M1AP: variants seen among roughly 807,000 people sequenced by gnomAD.
M1AP encodes the protein meiosis 1 arrest protein.
A neutral mutation model predicts 51.2 loss-of-function variants in M1AP; 39 were observed. That is an observed-to-expected ratio of 0.76 (90% confidence interval 0.59 to 1.00). The LOEUF (loss-of-function observed/expected upper bound fraction) is 1.00, where lower values mean the gene tolerates loss of function less well. Among genes scored for constraint, M1AP ranks in the 50% least tolerant of loss-of-function variants. The pLI, the probability that M1AP is intolerant of heterozygous loss-of-function variation, is 0.00. For missense variants in M1AP, 545 were observed against 641.2 expected (o/e 0.85, Z 1.62); for synonymous variants, 251 against 249.2 (o/e 1.01, Z -0.07).
Position 74,615,115 on chromosome 2 carries a change from C to G in M1AP, c.275G>C (p.Cys92Ser). The change falls in exon 3 of 11, where the codon TGC becomes TCC. Residue 92 changes from cysteine (C) to serine (S), a missense_variant. Transcript: ENST00000421985. ...CTGTAACATGCGGAGTTCTGAGATG[C>G]AGGTCTGCAACCTAGCAAAGTTCCC... ...VKGNFARLQTCISELRMLQRE... is the reference protein window; with the variant it reads ...VKGNFARLQTSISELRMLQRE... 3 of 1,614,184 alleles carry G rather than the reference C, an allele frequency of 1.9e-6. No individual in the cohort carries two copies. The highest frequency in any genetic ancestry group is 2.5e-6 in the Non-Finnish European group (3 of 1,180,006).
At chr2:74,583,582 G>C (rs1679539217) in intron 4 of M1AP, among the ~76,000 whole-genome samples, 2 of 152,074 alleles carry the variant, frequency 1.3e-5, no homozygotes, top group Admixed American at 6.6e-5. Context: ...AGCTGAGGGG[G>C]AACTCTACTT....
At chr2:74,600,106 T>C (rs1680593924) in intron 4 of M1AP, among the ~76,000 whole-genome samples, 1 of 152,146 alleles carries the variant, frequency 6.6e-6, no homozygotes, top group East Asian at 1.9e-4. Flanking sequence ...TGAAGCAGTA[T>C]AGAGAAGAGT....
chr2:74,606,885 CT>C (rs886357584), intron 4 of M1AP, among the ~76,000 whole-genome samples, 169 bp downstream of exon 4: 16 of 151,990 alleles, frequency 1.1e-4, no homozygotes, highest in Admixed American at 7.2e-4. Flanking sequence ...CATTAAGATT[CT>C]TTTTTTAAAA....
At chr2:74,561,232 AAGG>A (rs374729127) in intron 8 of M1AP, among the ~76,000 whole-genome samples, 2,234 of 33,780 alleles carry the variant, frequency 0.066, 69 homozygotes, top group African/African-American at 0.1. Flanking sequence ...GGAGGAGGAG[AAGG>A]AGGAGGAGGA....
chr2:74,568,500 G>A, intron 7 of M1AP, among the ~76,000 whole-genome samples: 1 of 152,244 alleles, frequency 6.6e-6, no homozygotes, highest in East Asian at 1.9e-4. Context: ...GGTGGTAGTG[G>A]TGGTTGGAGA....
chr2:74,569,909 CGTGTGTGTGTGTGT>C (rs145070644), intron 7 of M1AP, among the ~76,000 whole-genome samples: 1 of 143,258 alleles, frequency 7.0e-6, no homozygotes, highest in African/African-American at 2.5e-5. Flanking sequence ...TGTGTGCATG[CGTGTGTGTGTGTGT>C]GTGTGTGTGT....
At chr2:74,637,275 C>G (rs1206868461) in intron 2 of M1AP, among the ~76,000 whole-genome samples, 2 of 152,188 alleles carry the variant, frequency 1.3e-5, no homozygotes, top group East Asian at 3.9e-4. Context: ...TGTAGTTTTC[C>G]TCTCTAAAAG....
chr2:74,603,888 C>T (rs373654355), intron 4 of M1AP, among the ~76,000 whole-genome samples: 3 of 152,068 alleles, frequency 2.0e-5, no homozygotes, highest in East Asian at 1.9e-4. Flanking sequence ...GTCATCTGCA[C>T]GCGACCAGAA....
At chr2:74,600,724 T>C (rs989993622) in intron 4 of M1AP, among the ~76,000 whole-genome samples, 2 of 152,168 alleles carry the variant, frequency 1.3e-5, no homozygotes, top group Non-Finnish European at 2.9e-5. Context: ...ATGAGAACTA[T>C]GGAAAAAGTT....
At chr2:74,586,678 G>A (rs1679726079) in intron 4 of M1AP, among the ~76,000 whole-genome samples, 1 of 152,082 alleles carries the variant, frequency 6.6e-6, no homozygotes, top group African/African-American at 2.4e-5. Flanking sequence ...AAGGCTTAAT[G>A]GAAAGACCAG....
intron 3 of M1AP, among the ~76,000 whole-genome samples, chr2:74,612,596 G>A (rs1438859315): frequency 1.3e-5 from 2 of 152,014 alleles, no homozygotes; most frequent in Non-Finnish European, 2.9e-5. Context: ...GTTCCTTGAG[G>A]TGCAATGCTA....
chr2:74,579,089 C>A (rs1053191001), intron 5 of M1AP, among the ~76,000 whole-genome samples: 1 of 152,130 alleles, frequency 6.6e-6, no homozygotes, highest in African/African-American at 2.4e-5. Flanking sequence ...GATATAAGTT[C>A]CACTGTGCAT....
chr2:74,575,637 G>C (rs1573081092), intron 6 of M1AP, 58 bp from the exon 7 acceptor site: 2 of 1,349,796 alleles, frequency 1.5e-6, no homozygotes, highest in East Asian at 4.6e-5. Flanking sequence ...CCTCCACCTA[G>C]ATCCACTTCA....
At chr2:74,635,080 T>C (rs1307217990) in intron 2 of M1AP, among the ~76,000 whole-genome samples, 1 of 152,134 alleles carries the variant, frequency 6.6e-6, no homozygotes, top group Non-Finnish European at 1.5e-5. Context: ...CTTTAAATGT[T>C]TAGTAGAATT....
intron 2 of M1AP, chr2:74,628,989 T>A (rs114416335): frequency 0.017 from 3,908 of 235,192 alleles, 48 homozygotes; most frequent in Non-Finnish European, 0.025. Flanking sequence ...AACTTCCTTA[T>A]CTTGCACGGG....
chr2:74,603,967 C>A (rs1435792589), intron 4 of M1AP, among the ~76,000 whole-genome samples: 1 of 152,052 alleles, frequency 6.6e-6, no homozygotes, highest in Non-Finnish European at 1.5e-5. Flanking sequence ...CCAGTACAGC[C>A]CAAAAGGACT....
intron 2 of M1AP, among the ~76,000 whole-genome samples, chr2:74,634,493 C>T (rs569350428): frequency 2.4e-4 from 37 of 152,312 alleles, no homozygotes; most frequent in South Asian, 1.0e-3. Flanking sequence ...TAGCCCATCA[C>T]ATCATCCACA....
chr2:74,561,082 G>T (rs868468163), intron 8 of M1AP, among the ~76,000 whole-genome samples: 1 of 72,336 alleles, frequency 1.4e-5, no homozygotes, highest in African/African-American at 6.3e-5. Context: ...GGAGGAGGAG[G>T]AGGAGGAGAA....
intron 2 of M1AP, among the ~76,000 whole-genome samples, chr2:74,624,906 T>C (rs1682280344): frequency 6.6e-6 from 1 of 152,168 alleles, no homozygotes; most frequent in Non-Finnish European, 1.5e-5. Flanking sequence ...CTAAAATGAA[T>C]AATCTTGTAC....
Sources: allele counts gnomAD v4.1 joint callset (sites outside exome capture counted in the v4.1 genomes callset), GRCh38; gene constraint gnomAD v4.1.1; transcripts MANE v1.5; gene names NCBI Gene and HGNC (gene_info 2026-07-23, HGNC 2026-07-21).